The following AP3B1 variants were observed in gnomAD, a reference collection of about 807,000 sequenced individuals.
The protein encoded by AP3B1 is adaptor related protein complex 3 subunit beta 1.
A neutral mutation model predicts 132.5 loss-of-function variants in AP3B1; 61 were observed. That is an observed-to-expected ratio of 0.46 (90% CI 0.37 to 0.57). AP3B1 has a LOEUF of 0.57. Ranked by LOEUF, AP3B1 falls within the 20% of genes least tolerant of loss-of-function variation. The pLI, the probability that AP3B1 is intolerant of heterozygous loss-of-function variation, is 0.00. For synonymous variants in AP3B1, 388 were observed against 438.3 expected (o/e 0.89, Z 1.43); for missense variants, 1,120 against 1,289.4 (o/e 0.87, Z 2.01).
intron 26 of AP3B1, among the ~76,000 whole-genome samples, chr5:78,005,964 T>C (rs1239124457): frequency 6.6e-6 from 1 of 152,222 alleles, no homozygotes; most frequent in Non-Finnish European, 1.5e-5. Context: ...GATATTTACA[T>C]ACTAAACTTA....
intron 19 of AP3B1, among the ~76,000 whole-genome samples, chr5:78,113,409 T>C (rs941261246): frequency 2.0e-5 from 3 of 152,224 alleles, no homozygotes; most frequent in Non-Finnish European, 4.4e-5. Flanking sequence ...GGTTACATAA[T>C]GGCAAAGTGT....
At chr5:78,156,175 T>C (rs1743140031) in intron 14 of AP3B1, 83 bp downstream of exon 14, 4 of 978,988 alleles carry the variant, frequency 4.1e-6, no homozygotes, top group African/African-American at 3.2e-5. Flanking sequence ...TCCTAACCAT[T>C]ACCCTTTAGG....
intron 7 of AP3B1, among the ~76,000 whole-genome samples, chr5:78,193,770 A>ATATCTATATATATATATATTTTTTTTTTT: frequency 2.7e-4 from 18 of 67,210 alleles, no homozygotes; most frequent in Non-Finnish European, 4.8e-4. Context: ...ATATATATAT[A>ATATCTATATATATATATATTTTTTTTTTT]TTTTTTTTTT....
intron 20 of AP3B1, among the ~76,000 whole-genome samples, chr5:78,109,690 T>C (rs1751490623): frequency 6.6e-6 from 1 of 152,142 alleles, no homozygotes; most frequent in Non-Finnish European, 1.5e-5. Context: ...TTTTTCCTGC[T>C]AAGCAGGCAA....
In AP3B1 at chr5:78,193,764, A is replaced by T. The variant is rs1208866595; in HGVS notation, c.787-12102T>A. On this transcript the variant is annotated intron_variant, in intron 7 of 26. Coordinates refer to ENST00000255194, the MANE Select transcript of AP3B1 (RefSeq NM_003664.5). ...TTTTTTTATATATATATATATATATATATATATTTTTTTTTTAGACAGAGT... is the reference window on the plus strand; with the variant it reads ...TTTTTTTATATATATATATATATATTTATATATTTTTTTTTTAGACAGAGT... Among the ~76,000 whole-genome samples the T allele has an allele frequency of 1.9e-3, 203 of 104,966 alleles. 5 individuals are homozygous for T. The highest frequency in any genetic ancestry group is 5.9e-3 in the Admixed American group (49 of 8,320). 68.9% of individuals were successfully genotyped at this position (104,966 alleles called of 152,430 possible).
At chr5:78,153,942 C>A (rs979679370) in intron 14 of AP3B1, among the ~76,000 whole-genome samples, 6 of 152,104 alleles carry the variant, frequency 3.9e-5, no homozygotes, top group Non-Finnish European at 8.8e-5. Context: ...TTAATCAGTT[C>A]ACGTTTTAGT....
At chr5:78,164,924 T>C (rs1222335944) in intron 12 of AP3B1, among the ~76,000 whole-genome samples, 1 of 152,154 alleles carries the variant, frequency 6.6e-6, no homozygotes, top group Non-Finnish European at 1.5e-5. Flanking sequence ...GCATAGTATG[T>C]GGTATATTTT....
Position 78,003,222 on chromosome 5 carries a change from A to T in AP3B1, c.3132-167T>A. 3 of 815,946 alleles carry T rather than the reference A, an allele frequency of 3.7e-6. No homozygotes were observed. The South Asian group carries it at 5.5e-5, about 15-fold the overall frequency. 50.5% of individuals were successfully genotyped at this position (815,946 alleles called of 1,614,324 possible). A position where few individuals can be genotyped will look rare whatever the true frequency, so the allele number is the denominator to read the frequency against. Reference sequence around the variant, plus strand: ...CCAAGCATTCTTCTGAAAAATCAATAAACTGTCCAGCCCATGCTAACCACA... The same window carrying T: ...CCAAGCATTCTTCTGAAAAATCAATTAACTGTCCAGCCCATGCTAACCACA... On this transcript the variant is annotated intron_variant, in intron 26 of 26. Transcript: ENST00000255194.
intron 13 of AP3B1, among the ~76,000 whole-genome samples, chr5:78,156,913 G>C (rs1743172400): frequency 6.6e-6 from 1 of 152,154 alleles, no homozygotes. Flanking sequence ...GAAAGAATGG[G>C]ATTGTGAGAG....
chr5:78,171,534 G>A (rs542472475), intron 11 of AP3B1, among the ~76,000 whole-genome samples: 8 of 152,176 alleles, frequency 5.3e-5, no homozygotes, highest in East Asian at 1.9e-4. Flanking sequence ...TTGGCTTTCT[G>A]TTTGTCTGTT....
At chr5:78,189,938 T>A (rs1315499887) in intron 7 of AP3B1, among the ~76,000 whole-genome samples, 1 of 140,098 alleles carries the variant, frequency 7.1e-6, no homozygotes, top group African/African-American at 2.7e-5. Flanking sequence ...TAAAATAAAA[T>A]AAAAATTATG....
intron 1 of AP3B1, 145 bp downstream of exon 1, chr5:78,294,307 A>T: frequency 8.6e-7 from 1 of 1,157,394 alleles, no homozygotes; most frequent in Non-Finnish European, 1.2e-6. Context: ...AACCCCACCT[A>T]CCCACCCGCG....
At chr5:78,240,483 C>T (rs1352569315) in intron 3 of AP3B1, among the ~76,000 whole-genome samples, 4 of 152,146 alleles carry the variant, frequency 2.6e-5, no homozygotes, top group African/African-American at 4.8e-5. Flanking sequence ...TCCTAGAAAT[C>T]CCAAAAAGCC....
chr5:78,143,160 C>A (rs1753226238), intron 14 of AP3B1, among the ~76,000 whole-genome samples: 1 of 151,908 alleles, frequency 6.6e-6, no homozygotes, highest in African/African-American at 2.4e-5. Context: ...TCTATTATCC[C>A]ATTTTAAGTA....
chr5:78,013,830 C>T (rs995319602), intron 26 of AP3B1, among the ~76,000 whole-genome samples: 10 of 152,056 alleles, frequency 6.6e-5, no homozygotes, highest in Admixed American at 1.3e-4. Context: ...CTTATTTTAT[C>T]ACCATCCTAT....
intron 25 of AP3B1, chr5:78,015,865 G>A: frequency 3.5e-6 from 1 of 282,534 alleles, no homozygotes; most frequent in Non-Finnish European, 6.8e-6. Context: ...TACTCAATCT[G>A]GGGTTTATGT....
intron 21 of AP3B1, among the ~76,000 whole-genome samples, chr5:78,098,295 A>T (rs1052082704): frequency 7.1e-6 from 1 of 141,174 alleles, no homozygotes; most frequent in Non-Finnish European, 1.6e-5. Flanking sequence ...AAAATAAATA[A>T]ATAAAAAATA....
chr5:78,167,331 A>G (rs979440069), intron 11 of AP3B1, among the ~76,000 whole-genome samples: 1 of 152,216 alleles, frequency 6.6e-6, no homozygotes, highest in African/African-American at 2.4e-5. Flanking sequence ...TCAAAAAATC[A>G]AAAAATAATA....
chr5:78,080,344 T>G (rs945655132), intron 22 of AP3B1, among the ~76,000 whole-genome samples: 3 of 152,228 alleles, frequency 2.0e-5, no homozygotes, highest in Non-Finnish European at 4.4e-5. Flanking sequence ...GAGATTTGTC[T>G]AACAGGTATT....
Sources: allele counts gnomAD v4.1 joint callset (sites outside exome capture counted in the v4.1 genomes callset), GRCh38; gene constraint gnomAD v4.1.1; transcripts MANE v1.5; gene names NCBI Gene and HGNC (gene_info 2026-07-23, HGNC 2026-07-21).